The following UNC79 variants were observed in gnomAD, a reference collection of about 807,000 sequenced individuals.
UNC79 encodes unc-79 subunit of NALCN channel complex.
A neutral mutation model predicts 283.1 loss-of-function variants in UNC79; 37 were observed. The ratio of observed to expected loss-of-function variants is 0.13; its 90% CI spans 0.10 to 0.17. The LOEUF (loss-of-function observed/expected upper bound fraction) is 0.17. Among genes scored for constraint, UNC79 ranks in the 10% least tolerant of loss-of-function variants. The pLI is 1.00. For missense variants in UNC79, 2,272 were observed against 3,211.1 expected, an observed-to-expected ratio of 0.71 and a Z score of 7.07; for synonymous variants, 1,107 against 1,200.2, an observed-to-expected ratio of 0.92 and a Z score of 1.61.
intron 1 of UNC79, among the ~76,000 whole-genome samples, chr14:93,438,419 TAC>T (rs1198774332): frequency 1.3e-5 from 2 of 152,164 alleles, no homozygotes; most frequent in African/African-American, 4.8e-5. Context: ...CTGAGATGTA[TAC>T]ACTCTCTACA....
At chr14:93,389,653 CTTT>C (rs149054590) in intron 1 of UNC79, among the ~76,000 whole-genome samples, 1 of 135,910 alleles carries the variant, frequency 7.4e-6, no homozygotes, top group Non-Finnish European at 1.6e-5. Context: ...AAAGTGGGAG[CTTT>C]TTTTTTTTTT....
At chr14:93,471,087 A>T (rs191600751) in intron 2 of UNC79, among the ~76,000 whole-genome samples, 2 of 152,282 alleles carry the variant, frequency 1.3e-5, no homozygotes, top group Non-Finnish European at 2.9e-5. Context: ...AAAATGCCTA[A>T]TATGTTATAA....
chr14:93,434,345 C>T (rs796160695), intron 1 of UNC79, among the ~76,000 whole-genome samples: 1 of 152,146 alleles, frequency 6.6e-6, no homozygotes, highest in Non-Finnish European at 1.5e-5. Context: ...CTTCCTAGCA[C>T]TTTCTCAGGT....
intron 4 of UNC79, among the ~76,000 whole-genome samples, chr14:93,480,673 GAT>G (rs1223991725): frequency 1.3e-5 from 2 of 152,156 alleles, no homozygotes; most frequent in Admixed American, 1.3e-4. Flanking sequence ...AAACCAGAAG[GAT>G]ATAGTTTCAG....
intron 1 of UNC79, among the ~76,000 whole-genome samples, chr14:93,418,390 AGAGGAGTACCCGGCCATGT>A (rs952278568): frequency 4.0e-5 from 6 of 151,638 alleles, no homozygotes; most frequent in African/African-American, 1.4e-4. Context: ...GTTTTGTCTC[AGAGGAGTACCCGGCCATGT>A]GAGGTGTCAG....
At chr14:93,426,019 C>G (rs541885758), upstream of UNC79, among the ~76,000 whole-genome samples, 17 of 152,274 alleles carry the variant, frequency 1.1e-4, 1 homozygote, top group African/African-American at 3.4e-4. Context: ...GTGGCAAATT[C>G]TCTCAGTTCT....
intron 1 of UNC79, among the ~76,000 whole-genome samples, chr14:93,395,876 T>C (rs1053413891): frequency 6.6e-6 from 1 of 152,170 alleles, no homozygotes; most frequent in Admixed American, 6.5e-5. Flanking sequence ...GGCATGGATA[T>C]CTTTGAATTT....
chr14:93,440,117 G>A (rs993162740), intron 1 of UNC79, among the ~76,000 whole-genome samples: 42 of 151,876 alleles, frequency 2.8e-4, no homozygotes, highest in Non-Finnish European at 5.2e-4. Flanking sequence ...TATTTTATTC[G>A]GTATTATAAA....
chr14:93,681,912 T>C (rs1414529548), intron 41 of UNC79, among the ~76,000 whole-genome samples: 1 of 152,238 alleles, frequency 6.6e-6, no homozygotes, highest in Admixed American at 6.5e-5. Context: ...ATGGATTTGC[T>C]TTGTAAACTC....
At position 93,603,188 on chromosome 14, in the gene UNC79, C is replaced by T. The variant is rs376239982; in HGVS notation, c.3575-51C>T. On this transcript the variant is annotated intron_variant, in intron 25 of 48. Coordinates refer to ENST00000555664, the Ensembl canonical transcript of UNC79. ...GGATTGTTTTAGACTAGGTGGATTA[C>T]AAAGCCCTGTGTAAAGGAGAGTGAT... 5.7e-6 allele frequency: 9 copies of T among 1,585,094 alleles called. No individual in the cohort carries two copies. The African/African-American group carries it at 1.1e-4, about 19-fold the overall frequency.
rs2140907872 is a variant in UNC79 at position 93,688,124 on chromosome 14, G to C, written c.6910-541G>C. On this transcript the variant is annotated intron_variant, in intron 43 of 48. Coordinates refer to ENST00000555664, the Ensembl canonical transcript of UNC79. The surrounding 1 kb of genome is among the most constrained non-coding windows in gnomAD (Gnocchi z 4.0). ...CTGTAATGTCGTGGCACTGTTCTAG[G>C]CATTGGGGATGCTGTGATGAGCAAA... Among the ~76,000 whole-genome samples the C allele has an allele frequency of 6.6e-6, 1 of 152,266 alleles. No individual in the cohort carries two copies. The highest frequency in any genetic ancestry group is 2.1e-4 in the South Asian group (1 of 4,818).
rs942603057 is a variant in UNC79, at chr14:93,523,141, A to C, written c.899-837A>C. On this transcript the variant is annotated intron_variant, in intron 7 of 48. Transcript: ENST00000555664. ...CCCCTTACATGTTTTTAATGATGGA[A>C]TATTGTTAGCCAAGTGCTTTGGGCT... 1.3e-4 allele frequency among the ~76,000 whole-genome samples: 20 copies of C among 152,180 alleles called. 1 individual carries two copies. The highest frequency in any genetic ancestry group is 2.6e-4 in the Admixed American group (4 of 15,274).
chr14:93,490,270 T>C (rs990659970), intron 5 of UNC79, among the ~76,000 whole-genome samples: 2 of 152,126 alleles, frequency 1.3e-5, no homozygotes, highest in Non-Finnish European at 2.9e-5. Context: ...CTGACTAATC[T>C]TATTAAATGG....
At position 93,654,002 on chromosome 14, in the gene UNC79, G is replaced by A. The variant is rs147890849; in HGVS notation, c.6259G>A (p.Ala2087Thr). The A allele has an allele frequency of 1.8e-4, 286 of 1,614,002 alleles. 1 individual carries two copies. In the African/African-American group the frequency reaches 3.3e-3, roughly 19 times the overall value. ...GGACTTCAATGAGCTGAGCTCCATCGCAGCTCTCAGTCAGCTCCTAGAGGT... is the reference window on the plus strand; with the variant it reads ...GGACTTCAATGAGCTGAGCTCCATCACAGCTCTCAGTCAGCTCCTAGAGGT... Residue 2087 changes from alanine to threonine, a missense_variant, in exon 37 of 49, where the codon GCA becomes ACA. Physicochemically the swap from Ala to Thr is moderately conservative, Grantham distance 58. Around this residue, in one of 11 missense-constraint regions of UNC79, gnomAD observed 287 missense variants for 446.4 expected, o/e 0.64. Coordinates refer to ENST00000555664, the Ensembl canonical transcript of UNC79.
At chr14:93,507,855 T>G (rs1258275874) in intron 7 of UNC79, among the ~76,000 whole-genome samples, 1 of 152,192 alleles carries the variant, frequency 6.6e-6, no homozygotes, top group African/African-American at 2.4e-5. Flanking sequence ...ATGATCTGTC[T>G]TAAGTTTAAT....
chr14:93,373,859 G>A (rs569373293), intron 1 of UNC79, among the ~76,000 whole-genome samples: 4 of 152,256 alleles, frequency 2.6e-5, no homozygotes, highest in South Asian at 4.2e-4. Context: ...ACTGCAACAC[G>A]ATATTAGTAA....
intron 14 of UNC79, among the ~76,000 whole-genome samples, chr14:93,569,635 G>T (rs2063103918): frequency 6.6e-6 from 1 of 152,166 alleles, no homozygotes; most frequent in African/African-American, 2.4e-5. Flanking sequence ...TCTCCCAGCA[G>T]TGTTGAGCTT....
chr14:93,497,071 T>G, intron 6 of UNC79, 86 bp from the exon 7 acceptor site: 1 of 1,481,612 alleles, frequency 6.7e-7, no homozygotes, highest in Non-Finnish European at 9.0e-7. Flanking sequence ...TCCATTAGAA[T>G]TTTCACTGCT....
At chr14:93,547,460 C>CA (rs2061657463) in intron 14 of UNC79, among the ~76,000 whole-genome samples, 1 of 152,070 alleles carries the variant, frequency 6.6e-6, no homozygotes, top group Non-Finnish European at 1.5e-5. Context: ...TTTGGAAAGG[C>CA]AAAATATCAA....
Sources: gnomAD v4.1 joint callset for allele counts (sites outside exome capture counted in the v4.1 genomes callset) on GRCh38, gnomAD v4.1.1 for gene constraint, gnomAD v4.1.1 regional missense constraint, Gnocchi (gnomAD v3.1) non-coding constraint, MANE v1.5 for transcripts, NCBI Gene and HGNC (gene_info 2026-07-23, HGNC 2026-07-21) for gene names.